The following TNFRSF10B variants were observed in gnomAD, a reference collection of about 807,000 sequenced individuals.
TNFRSF10B encodes TNF receptor superfamily member 10b.
TNFRSF10B carries 35 observed loss-of-function variants against 41.4 expected under a neutral mutation model. That is an observed-to-expected ratio of 0.85 (90% CI 0.65 to 1.12). The LOEUF (loss-of-function observed/expected upper bound fraction) is 1.12, where lower values mean the gene tolerates loss of function less well. Ranked by LOEUF, TNFRSF10B falls within the 50% of genes most tolerant of loss-of-function variation. The probability of loss-of-function intolerance (pLI) is 0.00; values close to 1 mark genes in which losing one functional copy is unlikely to be tolerated. For synonymous variants in TNFRSF10B, 230 were observed against 215.5 expected (o/e 1.07, Z -0.59); for missense variants, 584 against 552.7 (o/e 1.06, Z -0.57).
chr8:23,036,318 A>G (rs1812028563), intron 2 of TNFRSF10B, among the ~76,000 whole-genome samples: 1 of 152,212 alleles, frequency 6.6e-6, no homozygotes, highest in South Asian at 2.1e-4. Flanking sequence ...ATAGGCCCTG[A>G]AGGCACAAGA....
chr8:23,038,456 C>T (rs992352810), intron 2 of TNFRSF10B, among the ~76,000 whole-genome samples: 55 of 152,104 alleles, frequency 3.6e-4, no homozygotes, highest in African/African-American at 1.3e-3. Flanking sequence ...GTATTTCTTC[C>T]TTATTGTGTT....
At chr8:23,035,201 G>A (rs1373083285) in intron 2 of TNFRSF10B, among the ~76,000 whole-genome samples, 1 of 151,940 alleles carries the variant, frequency 6.6e-6, no homozygotes, top group Non-Finnish European at 1.5e-5. Flanking sequence ...GAGTGCAGTG[G>A]CATGATCTCA....
chr8:23,057,429 A>C (rs971786461), intron 1 of TNFRSF10B, among the ~76,000 whole-genome samples: 1 of 115,620 alleles, frequency 8.6e-6, no homozygotes, highest in Non-Finnish European at 1.8e-5. Context: ...GAATTCTGTA[A>C]TTTTTTTTTT....
intron 3 of TNFRSF10B, among the ~76,000 whole-genome samples, chr8:23,030,212 T>C (rs971065655): frequency 6.6e-6 from 1 of 152,192 alleles, no homozygotes; most frequent in Non-Finnish European, 1.5e-5. Context: ...TCCAGCCCTG[T>C]CCACTTGGCC....
chr8:23,021,103 G>A lies in TNFRSF10B; in HGVS notation c.*1568C>T, dbSNP rs1411233376. The A allele has an allele frequency of 4.4e-6, 2 of 454,012 alleles. No individual in the cohort carries two copies. Among genetic ancestry groups the A allele is most frequent in the Non-Finnish European group, 8.8e-6 (2 of 226,798 alleles). The allele number at this position is 454,012 out of a possible 1,614,324, so 28.1% of individuals were successfully genotyped here. A position where few individuals can be genotyped will look rare whatever the true frequency, so the allele number is the denominator to read the frequency against. ...AGAAAAGACCAAAAACTCCTGGAAT[G>A]ACTACCTGCATAAATGATCCTTCCA... is the stretch of plus-strand genomic sequence containing the variant. On this transcript the variant is annotated 3_prime_UTR_variant, in exon 9 of 9. Coordinates refer to ENST00000276431, the MANE Select transcript of TNFRSF10B (RefSeq NM_003842.5).
rs1161118554 is a variant in TNFRSF10B, at chr8:23,020,658, C to CTGGA, written c.*2012_*2013insTCCA. 21 of 453,910 alleles carry CTGGA rather than the reference C, an allele frequency of 4.6e-5. No individual in the cohort carries two copies. The East Asian group carries it at 1.4e-3, about 30-fold the overall frequency. 28.1% of individuals were successfully genotyped at this position (453,910 alleles called of 1,614,324 possible). A position where few individuals can be genotyped will look rare whatever the true frequency, so the allele number is the denominator to read the frequency against. On this transcript the variant is annotated 3_prime_UTR_variant, in exon 9 of 9. Coordinates refer to ENST00000276431, the MANE Select transcript of TNFRSF10B (RefSeq NM_003842.5). The stretch of plus-strand genomic sequence containing the variant: ...ACTGAGCCAAGATCGTACCGTTGCA[C>CTGGA]TCCAGCCTGGGCGAGAGAGTGAGAT...
chr8:23,051,378 A>C (rs1470684689), intron 1 of TNFRSF10B, among the ~76,000 whole-genome samples: 2 of 152,232 alleles, frequency 1.3e-5, no homozygotes, highest in Non-Finnish European at 2.9e-5. Flanking sequence ...AAGCAATTTC[A>C]TACTTATCTC....
intron 1 of TNFRSF10B, among the ~76,000 whole-genome samples, chr8:23,063,090 T>TG (rs1290386972): frequency 5.3e-5 from 8 of 152,240 alleles, no homozygotes; most frequent in African/African-American, 1.7e-4. Context: ...GGCTCATGCC[T>TG]GTAATCCCAG....
At position 23,068,780 on chromosome 8, in the gene TNFRSF10B, C is replaced by A. The variant is rs774194756; in HGVS notation, c.115G>T (p.Val39Leu). The A allele has an allele frequency of 6.2e-7, 1 of 1,604,552 alleles. No homozygotes were observed. The highest frequency in any genetic ancestry group is 1.7e-5 in the Admixed American group (1 of 58,796). ...RPGPRVPKTL[V>L]LVVAAVLLLV... ...AGCAGGACCGCGGCGACAACGAGCA[C>A]AAGGGTCTTGGGGACCCGGGGCCCA... The change falls in exon 1 of 9, where the codon GTG becomes TTG. Residue 39 changes from valine to leucine, a missense_variant. Coordinates refer to ENST00000276431, the MANE Select transcript of TNFRSF10B (RefSeq NM_003842.5).
intron 1 of TNFRSF10B, among the ~76,000 whole-genome samples, chr8:23,060,394 C>T (rs115550310): frequency 0.015 from 2,222 of 152,282 alleles, 44 homozygotes; most frequent in African/African-American, 0.04. Context: ...ATTGAAAAGA[C>T]GGCCCTTTCC....
chr8:23,031,840 G>A (rs1199789835), intron 2 of TNFRSF10B, among the ~76,000 whole-genome samples: 1 of 151,688 alleles, frequency 6.6e-6, no homozygotes, highest in East Asian at 1.9e-4. Flanking sequence ...ATATTTTACA[G>A]CATTTTTTTC....
chr8:23,055,380 A>G (rs1436030025), intron 1 of TNFRSF10B, among the ~76,000 whole-genome samples: 1 of 152,014 alleles, frequency 6.6e-6, no homozygotes, highest in Non-Finnish European at 1.5e-5. Flanking sequence ...TACGATTCTC[A>G]TGATAAATAA....
At chr8:23,060,083 G>A (rs910135567) in intron 1 of TNFRSF10B, among the ~76,000 whole-genome samples, 1 of 152,070 alleles carries the variant, frequency 6.6e-6, no homozygotes, top group East Asian at 1.9e-4. Flanking sequence ...CTCATTCTGT[G>A]GGTTTTGCCT....
At chr8:23,041,048 T>C (rs1375032592) in intron 2 of TNFRSF10B, among the ~76,000 whole-genome samples, 2 of 123,698 alleles carry the variant, frequency 1.6e-5, no homozygotes, top group Non-Finnish European at 3.1e-5. Flanking sequence ...AGATATATGA[T>C]AATTTTTTTT....
intron 1 of TNFRSF10B, among the ~76,000 whole-genome samples, chr8:23,055,521 T>TAAAAAAAAAAAAAAAAA (rs34761330): frequency 1.9e-4 from 23 of 120,506 alleles, no homozygotes; most frequent in African/African-American, 5.8e-4. Flanking sequence ...ATTAAATGCT[T>TAAAAAAAAAAAAAAAAA]AAAAAAAAAA....
chr8:23,028,672 C>A, intron 4 of TNFRSF10B, 70 bp from the exon 5 acceptor site: 13 of 1,579,074 alleles, frequency 8.2e-6, no homozygotes, highest in Non-Finnish European at 1.0e-5. Flanking sequence ...GAAAGAGGAG[C>A]CACCCTCCCT....
At position 23,047,594 on chromosome 8, in the gene TNFRSF10B, G is replaced by GA. The variant is rs941034248; in HGVS notation, c.145-4352dup. Among the ~76,000 whole-genome samples the GA allele has an allele frequency of 1.2e-3, 176 of 143,018 alleles. 1 individual carries two copies. The highest frequency in any genetic ancestry group is 5.5e-3 in the East Asian group (27 of 4,926). The allele number at this position is 143,018 out of a possible 152,430, so 93.8% of individuals were successfully genotyped here. On this transcript the variant is annotated intron_variant, in intron 1 of 8. Transcript: ENST00000276431. ...ACACACAAATGGTCAACAGATATTT[G>GA]AAAAAAAAAAACTCAACATCACGAA... is the stretch of plus-strand genomic sequence containing the variant.
In TNFRSF10B at chr8:23,021,494, CT is replaced by C. The variant is rs770277451; in HGVS notation, c.*1176del. The C allele has an allele frequency of 2.2e-5, 10 of 454,156 alleles. No homozygotes were observed. Among genetic ancestry groups the C allele is most frequent in the Admixed American group, 4.7e-5 (2 of 42,582 alleles). The allele number at this position is 454,156 out of a possible 1,614,324, so 28.1% of individuals were successfully genotyped here. ...GTGGGAGACAGATTTTGTCTTCTAT[CT>C]CCTGAGCCCAAACAGGGCTCAAGTT... is the stretch of plus-strand genomic sequence containing the variant. On this transcript the variant is annotated 3_prime_UTR_variant, in exon 9 of 9. Transcript: ENST00000276431.
intron 1 of TNFRSF10B, among the ~76,000 whole-genome samples, chr8:23,046,472 T>C (rs1812363223): frequency 6.6e-6 from 1 of 151,996 alleles, no homozygotes; most frequent in Non-Finnish European, 1.5e-5. Context: ...TGAAAATAAA[T>C]GTTCATGACT....
Sources: allele counts gnomAD v4.1 joint callset (sites outside exome capture counted in the v4.1 genomes callset), GRCh38; gene constraint gnomAD v4.1.1; transcripts MANE v1.5; gene names NCBI Gene and HGNC (gene_info 2026-07-23, HGNC 2026-07-21).